CNR2: variants seen among roughly 807,000 people sequenced by gnomAD.
The protein encoded by CNR2 is cannabinoid receptor 2, also known as cannabinoid receptor 2 (macrophage).
For synonymous variants in CNR2, 172 were observed against 182.2 expected, an observed-to-expected ratio of 0.94 and a Z score of 0.45; for missense variants, 379 against 439.9, an observed-to-expected ratio of 0.86 and a Z score of 1.24.
Position 23,875,433 on chromosome 1 carries a change from T to C in CNR2, c.185A>G (p.His62Arg), listed in dbSNP as rs749247846. The change falls in exon 2 of 2, where the codon CAC (histidine) becomes CGC (arginine). Residue 62 changes from histidine (H) to arginine (R), a missense_variant. His to Arg is a conservative substitution (Grantham distance 29, BLOSUM62 0). Transcript: ENST00000374472. ...VAVLYLILSS[H>R]QLRRKPSYLF... ...GTATGAGGGCTTCCGGCGGAGTTGG[T>C]GGGAGGACAGGATCAGATAGAGCAC... 24 of 1,614,128 alleles carry C rather than the reference T, an allele frequency of 1.5e-5. No individual in the cohort carries two copies. The highest frequency in any genetic ancestry group is 1.9e-5 in the Non-Finnish European group (23 of 1,180,006).
intron 1 of CNR2, among the ~76,000 whole-genome samples, chr1:23,886,245 T>G (rs1344285943): frequency 6.6e-6 from 1 of 151,126 alleles, no homozygotes; most frequent in Non-Finnish European, 1.5e-5. Flanking sequence ...TCAATAAATG[T>G]CAGTTCTTAT....
intron 1 of CNR2, among the ~76,000 whole-genome samples, chr1:23,910,423 CAA>C (rs551356327): frequency 1.3e-5 from 2 of 151,710 alleles, no homozygotes; most frequent in South Asian, 4.2e-4. Context: ...AAGAAAAAAA[CAA>C]GAGCGGATCA....
rs1035504766 is a variant in CNR2 at position 23,883,851 on chromosome 1, C to G, written c.-45-8189G>C. On this transcript the variant is annotated intron_variant, in intron 1 of 1. Transcript: ENST00000374472. ...AAAAAACAAACAAACAACAAAAAAA[C>G]AAAAACAAAAAAACCCCCCACAGTG... Among the ~76,000 whole-genome samples the G allele has an allele frequency of 4.0e-5, 6 of 150,156 alleles. 1 individual carries two copies. The Admixed American group carries it at 4.0e-4, about 10-fold the overall frequency.
chr1:23,908,922 A>G (rs1234245706), intron 1 of CNR2, among the ~76,000 whole-genome samples: 3 of 151,970 alleles, frequency 2.0e-5, no homozygotes, highest in Non-Finnish European at 4.4e-5. Context: ...CCTCTGAGAG[A>G]CAGGTGGGGT....
intron 1 of CNR2, among the ~76,000 whole-genome samples, chr1:23,910,302 C>T (rs2148472708): frequency 6.6e-6 from 1 of 151,784 alleles, no homozygotes; most frequent in East Asian, 1.9e-4. Flanking sequence ...CAGTTTCTCA[C>T]CTTGCAAATG....
chr1:23,911,067 TGA>T (rs1640575874), intron 1 of CNR2, among the ~76,000 whole-genome samples: 1 of 146,598 alleles, frequency 6.8e-6, no homozygotes, highest in African/African-American at 2.5e-5. Flanking sequence ...TTTTCAGGGG[TGA>T]GAGTAGGAAG....
intron 1 of CNR2, among the ~76,000 whole-genome samples, chr1:23,905,923 T>A (rs746003488): frequency 6.6e-6 from 1 of 152,214 alleles, no homozygotes. Context: ...CGGGACACTC[T>A]ATCAAGCCAA....
At chr1:23,880,129 A>G (rs1406203117) in intron 1 of CNR2, among the ~76,000 whole-genome samples, 1 of 150,814 alleles carries the variant, frequency 6.6e-6, no homozygotes, top group African/African-American at 2.4e-5. Context: ...TACTTTTTCA[A>G]TGACACCTAC....
intron 1 of CNR2, among the ~76,000 whole-genome samples, chr1:23,887,662 G>C (rs1304882138): frequency 1.3e-5 from 2 of 152,160 alleles, no homozygotes; most frequent in Non-Finnish European, 2.9e-5. Flanking sequence ...CTTCTAGACA[G>C]GGCCTTTTTC....
chr1:23,884,844 AG>A (rs1640060228), intron 1 of CNR2, among the ~76,000 whole-genome samples: 1 of 151,070 alleles, frequency 6.6e-6, no homozygotes, highest in African/African-American at 2.4e-5. Flanking sequence ...TCTGTCGCCC[AG>A]GCTGGAGTGC....
Position 23,902,845 on chromosome 1 carries a change from G to A in CNR2, c.-46+10401C>T, listed in dbSNP as rs1246952011. ...TGCGCTGCCCGGCCTTCCTGCCCAC[G>A]GCGGCGCCGGCGTTGCTGTGGGCTA... is the stretch of plus-strand genomic sequence containing the variant. On this transcript the variant is annotated intron_variant, in intron 1 of 1. Coordinates refer to ENST00000374472, the MANE Select transcript of CNR2 (RefSeq NM_001841.3). 61 of 1,227,920 alleles carry A rather than the reference G, an allele frequency of 5.0e-5. No individual in the cohort carries two copies. The East Asian group carries it at 7.1e-4, about 14-fold the overall frequency. 76.1% of individuals were successfully genotyped at this position (1,227,920 alleles called of 1,614,324 possible).
Position 23,871,154 on chromosome 1 carries a change from C to CAAAAAAAAAAAAAAAAAA in CNR2, c.*3363_*3380dup. The CAAAAAAAAAAAAAAAAAA allele has an allele frequency of 1.7e-5, 1 of 58,770 alleles. No individual in the cohort carries two copies. The highest frequency in any genetic ancestry group is 3.0e-5 in the Non-Finnish European group (1 of 33,496). 3.6% of individuals were successfully genotyped at this position (58,770 alleles called of 1,614,324 possible). ...TGGGTGACAGAGTGAGATTCTATGT[C>CAAAAAAAAAAAAAAAAAA]AAAAAAAAAAAAAAAAAAAAAAAAA... On this transcript the variant is annotated 3_prime_UTR_variant, in exon 2 of 2. Coordinates refer to ENST00000374472, the MANE Select transcript of CNR2 (RefSeq NM_001841.3).
chr1:23,896,407 G>C (rs755627872), intron 1 of CNR2, among the ~76,000 whole-genome samples: 1 of 152,236 alleles, frequency 6.6e-6, no homozygotes, highest in South Asian at 2.1e-4. Context: ...TCTCATCAGT[G>C]GTGGGGAGGC....
intron 1 of CNR2, among the ~76,000 whole-genome samples, chr1:23,877,751 A>G (rs1406031998): frequency 3.9e-5 from 6 of 152,194 alleles, no homozygotes; most frequent in Admixed American, 3.9e-4. Context: ...ACCTGAGGTC[A>G]GGAGTTCAAG....
In CNR2 at chr1:23,883,865, C is replaced by A. The variant is rs529143900; in HGVS notation, c.-45-8203G>T. Among the ~76,000 whole-genome samples the A allele has an allele frequency of 1.3e-4, 19 of 143,068 alleles. No homozygotes were observed. In the East Asian group the frequency reaches 2.0e-3, roughly 15 times the overall value. The allele number at this position is 143,068 out of a possible 152,430, so 93.9% of individuals were successfully genotyped here. A position where few individuals can be genotyped will look rare whatever the true frequency, so the allele number is the denominator to read the frequency against. On this transcript the variant is annotated intron_variant, in intron 1 of 1. Transcript: ENST00000374472. ...CAACAAAAAAACAAAAACAAAAAAA[C>A]CCCCCACAGTGTTGGGCCAATCCCT...
chr1:23,893,809 T>C (rs1640231668), intron 1 of CNR2, among the ~76,000 whole-genome samples: 1 of 152,136 alleles, frequency 6.6e-6, no homozygotes, highest in African/African-American at 2.4e-5. Context: ...GATGAAGAAA[T>C]TGGGGCTCAG....
intron 1 of CNR2, among the ~76,000 whole-genome samples, chr1:23,890,375 T>C (rs1458864542): frequency 6.6e-6 from 1 of 151,742 alleles, no homozygotes; most frequent in Non-Finnish European, 1.5e-5. Context: ...CTACTTACTC[T>C]CAGCTGACAC....
At chr1:23,880,379 G>A (rs923242396) in intron 1 of CNR2, among the ~76,000 whole-genome samples, 120 of 151,760 alleles carry the variant, frequency 7.9e-4, no homozygotes, top group Middle Eastern at 3.4e-3. Context: ...GGGTTTCACC[G>A]TGTTAGTCAG....
At chr1:23,900,245 A>C (rs1005315638) in intron 1 of CNR2, among the ~76,000 whole-genome samples, 3 of 152,088 alleles carry the variant, frequency 2.0e-5, no homozygotes, top group African/African-American at 4.8e-5. Flanking sequence ...CTCCTGGCTC[A>C]CTGGCTCCCC....
Sources: gnomAD v4.1 joint callset for allele counts (sites outside exome capture counted in the v4.1 genomes callset) on GRCh38, gnomAD v4.1.1 for gene constraint, MANE v1.5 for transcripts, NCBI Gene and HGNC (gene_info 2026-07-23, HGNC 2026-07-21) for gene names.